FAM228B: variants seen among roughly 807,000 people sequenced by gnomAD.
FAM228B encodes family with sequence similarity 228 member B, also known as protein FAM228B.
In FAM228B, 38 loss-of-function variants were observed where a neutral mutation model predicts 42.6. That is an observed-to-expected ratio of 0.89 (90% CI 0.69 to 1.17). The LOEUF (loss-of-function observed/expected upper bound fraction) is 1.17. Ranked by LOEUF, FAM228B falls within the 50% of genes most tolerant of loss-of-function variation. FAM228B has a pLI of 0.00. For synonymous variants in FAM228B, 109 were observed against 122.3 expected (o/e 0.89, Z 0.72); for missense variants, 344 against 367.3 (o/e 0.94, Z 0.52).
intron 7 of FAM228B, among the ~76,000 whole-genome samples, chr2:24,151,100 T>C (rs551333960): frequency 1.2e-4 from 18 of 152,166 alleles, no homozygotes; most frequent in Non-Finnish European, 2.4e-4. Context: ...CTTACAGATG[T>C]GCTTCATTGT....
At chr2:24,082,970 C>T (rs1287631110) in intron 2 of FAM228B, 1 of 1,614,152 alleles carries the variant, frequency 6.2e-7, no homozygotes, top group South Asian at 1.1e-5. Flanking sequence ...CTGGGATAGG[C>T]ATGAGGAGCC....
At chr2:24,081,954 C>T (rs1195060358) in intron 2 of FAM228B, among the ~76,000 whole-genome samples, 1 of 151,784 alleles carries the variant, frequency 6.6e-6, no homozygotes, top group Non-Finnish European at 1.5e-5. Context: ...CTCAGCCGCC[C>T]AAAGTGCTGG....
chr2:24,110,509 CT>C (rs1249557060), intron 3 of FAM228B, among the ~76,000 whole-genome samples: 1 of 152,128 alleles, frequency 6.6e-6, no homozygotes, highest in Non-Finnish European at 1.5e-5. Context: ...TCAATTATGC[CT>C]ACATAACAGA....
At chr2:24,168,142 G>A (rs1034826374) in intron 10 of FAM228B, 9 of 170,024 alleles carry the variant, frequency 5.3e-5, no homozygotes, top group African/African-American at 2.1e-4. Flanking sequence ...ATATACAGTA[G>A]GCAGGTGGAT....
chr2:24,091,820 A>G (rs913982664), intron 2 of FAM228B, among the ~76,000 whole-genome samples: 1 of 152,232 alleles, frequency 6.6e-6, no homozygotes, highest in Admixed American at 6.5e-5. Context: ...CCAAATTAGT[A>G]TACAAATTCA....
chr2:24,077,611 T>A lies in FAM228B; in HGVS notation c.-290+642T>A. 6.2e-7 allele frequency: 1 copy of A among 1,612,716 alleles called. No homozygotes were observed. Among genetic ancestry groups the A allele is most frequent in the Non-Finnish European group, 8.5e-7 (1 of 1,179,222 alleles). ...GGCAGTTCCAGGACGATCTTGCCTA[T>A]GTTCTTGTTGGCCTCCATGTACTTA... On this transcript the variant is annotated intron_variant, in intron 1 of 10. Coordinates refer to the FAM228B transcript ENST00000613899. This position sits in a 1 kb window ranked among gnomAD's most constrained non-coding sequence, Gnocchi z 5.5.
chr2:24,152,845 A>T (rs769466668), intron 7 of FAM228B, among the ~76,000 whole-genome samples: 1 of 152,166 alleles, frequency 6.6e-6, no homozygotes, highest in African/African-American at 2.4e-5. Context: ...AAGTAAAAAA[A>T]ACCTTAGCAG....
chr2:24,092,650 T>C (rs535555749), intron 2 of FAM228B, among the ~76,000 whole-genome samples: 38 of 152,274 alleles, frequency 2.5e-4, no homozygotes, highest in African/African-American at 9.1e-4. Flanking sequence ...CTAAGGAGTT[T>C]GTCCTGTAGA....
chr2:24,148,415 A>G (rs1666945928), intron 7 of FAM228B, among the ~76,000 whole-genome samples: 1 of 152,168 alleles, frequency 6.6e-6, no homozygotes, highest in East Asian at 1.9e-4. Context: ...AGGCCTCAGA[A>G]GCAGGACTTT....
intron 3 of FAM228B, among the ~76,000 whole-genome samples, chr2:24,099,224 G>A (rs1161651392): frequency 6.6e-6 from 1 of 151,916 alleles, no homozygotes; most frequent in African/African-American, 2.4e-5. Flanking sequence ...ACTGGCATAA[G>A]ACAAGGATTC....
chr2:24,164,541 GATGAGGGTGCCCCCTGGTGGAGCCACA>G (rs1483641901), intron 9 of FAM228B, among the ~76,000 whole-genome samples: 167 of 8,790 alleles, frequency 0.019, 1 homozygote, highest in African/African-American at 0.022. Flanking sequence ...GGAGTCACAC[GATGAGGGTGCCCCCTGGTGGAGCCACA>G]CGATGAGGGT....
At chr2:24,115,696 A>G (rs1208055345) in intron 3 of FAM228B, 2 of 1,463,926 alleles carry the variant, frequency 1.4e-6, no homozygotes, top group Non-Finnish European at 1.9e-6. Context: ...TTATTCCACA[A>G]ACATTGCCAG....
chr2:24,091,306 G>A lies in FAM228B; in HGVS notation c.-209-3835G>A, dbSNP rs185568685. On this transcript the variant is annotated intron_variant, in intron 2 of 10. Coordinates refer to the FAM228B transcript ENST00000613899. ...AAATTAGCCGGGCGTGGTGGCGGGC[G>A]CCAGTAGTCCCAGCTACTTGGGAGG... 6.0e-3 allele frequency among the ~76,000 whole-genome samples: 919 copies of A among 152,268 alleles called. 30 individuals carry two copies. Among genetic ancestry groups the A allele is most frequent in the East Asian group, 0.057 (293 of 5,172 alleles).
At position 24,084,526 on chromosome 2, in the gene FAM228B, C is replaced by G. The variant is rs1326606545; in HGVS notation, c.-210+3571C>G. On this transcript the variant is annotated intron_variant, in intron 2 of 10. Transcript: ENST00000613899. The surrounding 1 kb of genome is among the most constrained non-coding windows in gnomAD (Gnocchi z 8.4). Reference sequence around the variant, plus strand: ...TCTGCCGCGGACCCGGCCTCCGCCCCGAGCTCCTGCCTGGGAAGTCCTCGG... The same window carrying G: ...TCTGCCGCGGACCCGGCCTCCGCCCGGAGCTCCTGCCTGGGAAGTCCTCGG... The G allele has an allele frequency of 1.5e-6, 1 of 679,006 alleles. No homozygotes were observed. The highest frequency in any genetic ancestry group is 2.3e-6 in the Non-Finnish European group (1 of 441,844). 42.1% of individuals were successfully genotyped at this position (679,006 alleles called of 1,614,324 possible). A position where few individuals can be genotyped will look rare whatever the true frequency, so the allele number is the denominator to read the frequency against.
intron 2 of FAM228B, among the ~76,000 whole-genome samples, chr2:24,094,066 G>A (rs1451200792): frequency 1.8e-5 from 2 of 111,098 alleles, no homozygotes; most frequent in East Asian, 5.8e-4. Context: ...TTAAGACAGG[G>A]TCTTGCTGTG....
intron 9 of FAM228B, 61 bp downstream of exon 9, chr2:24,164,396 C>T (rs1667349864): frequency 6.7e-7 from 1 of 1,489,108 alleles, no homozygotes; most frequent in Non-Finnish European, 9.0e-7. Context: ...ATACCAAAAT[C>T]TGAGCACCTG....
rs570747751 is a variant in FAM228B at position 24,132,834 on chromosome 2, C to T, written c.100-2285C>T. On this transcript the variant is annotated intron_variant, in intron 2 of 10. Coordinates refer to ENST00000615575, the MANE Select transcript of FAM228B (RefSeq NM_001145710.2). ...CAGTTATCTTTGCTGAACTCAATCTCCAAACTTGTCTTTCCTGAAGTTGGC... is the reference window on the plus strand; with the variant it reads ...CAGTTATCTTTGCTGAACTCAATCTTCAAACTTGTCTTTCCTGAAGTTGGC... 3.0e-4 allele frequency among the ~76,000 whole-genome samples: 45 copies of T among 152,238 alleles called. No individual in the cohort carries two copies. The South Asian group carries it at 8.1e-3, about 27-fold the overall frequency.
chr2:24,151,539 G>A (rs566361542), intron 7 of FAM228B, among the ~76,000 whole-genome samples: 13 of 151,348 alleles, frequency 8.6e-5, no homozygotes, highest in Admixed American at 6.6e-5. Flanking sequence ...TGATCCACCC[G>A]CCTTGGCCTC....
chr2:24,166,055 A>ATG (rs1667401201), intron 9 of FAM228B: 1 of 10,650 alleles, frequency 9.4e-5, no homozygotes, highest in African/African-American at 1.5e-4. Flanking sequence ...AAAAAAAAAA[A>ATG]TATATATATA....
Sources: gnomAD v4.1 joint callset for allele counts (sites outside exome capture counted in the v4.1 genomes callset) on GRCh38, gnomAD v4.1.1 for gene constraint, Gnocchi (gnomAD v3.1) non-coding constraint, MANE v1.5 for transcripts, NCBI Gene and HGNC (gene_info 2026-07-23, HGNC 2026-07-21) for gene names.